WWC1: variants seen among roughly 807,000 people sequenced by gnomAD.
The protein encoded by WWC1 is protein KIBRA.
In WWC1, 55 loss-of-function variants were observed where a neutral mutation model predicts 138.4. The ratio of observed to expected loss-of-function variants is 0.40; its 90% CI spans 0.32 to 0.50. WWC1 has a LOEUF of 0.50. Among genes scored for constraint, WWC1 ranks in the 20% least tolerant of loss-of-function variants. The pLI, the probability that WWC1 is intolerant of heterozygous loss-of-function variation, is 0.72. For missense variants in WWC1, 1,226 were observed against 1,420.4 expected (o/e 0.86, Z 2.20); for synonymous variants, 524 against 564.9 (o/e 0.93, Z 1.03).
intron 9 of WWC1, among the ~76,000 whole-genome samples, chr5:168,421,647 G>A (rs899066614): frequency 2.0e-5 from 3 of 152,064 alleles, no homozygotes; most frequent in African/African-American, 7.2e-5. Flanking sequence ...GGTATGGTTG[G>A]GTGAAATCCT....
intron 1 of WWC1, among the ~76,000 whole-genome samples, chr5:168,367,313 C>T (rs925025876): frequency 2.6e-5 from 4 of 152,050 alleles, no homozygotes; most frequent in East Asian, 3.9e-4. Context: ...ACTCACCCTT[C>T]GTCTTGTTAT....
rs72828878 is a variant in WWC1 at position 168,345,420 on chromosome 5, C to G, written c.120-26004C>G. Among the ~76,000 whole-genome samples the G allele has an allele frequency of 7.4e-3, 1,127 of 152,294 alleles. 11 individuals carry two copies. Among genetic ancestry groups the G allele is most frequent in the Middle Eastern group, 0.014 (4 of 294 alleles). The stretch of plus-strand genomic sequence containing the variant: ...CCTGAAATCCTTCCCTTTTAAAGGG[C>G]CTGTTGTCTCTTCTTCTTTATCTTA... On this transcript the variant is annotated intron_variant, in intron 1 of 22. Transcript: ENST00000265293.
chr5:168,373,719 TAAAAAAAAAAAAAAAA>T (rs368930085), intron 2 of WWC1, among the ~76,000 whole-genome samples: 15 of 52,644 alleles, frequency 2.8e-4, no homozygotes, highest in Admixed American at 9.0e-4. Context: ...CCTTGTCTCT[TAAAAAAAAAAAAAAAA>T]AAAAAAAAAA....
At chr5:168,353,495 C>T (rs1775153756) in intron 1 of WWC1, among the ~76,000 whole-genome samples, 1 of 152,248 alleles carries the variant, frequency 6.6e-6, no homozygotes, top group South Asian at 2.1e-4. Context: ...CAACCCTCCA[C>T]CTCTCTCAGG....
At chr5:168,449,824 C>G (rs896173951) in intron 17 of WWC1, among the ~76,000 whole-genome samples, 8 of 152,146 alleles carry the variant, frequency 5.3e-5, no homozygotes, top group Non-Finnish European at 8.8e-5. Context: ...ATCCACCTGC[C>G]TCAGCCTCCC....
At chr5:168,347,336 C>G (rs904577278) in intron 1 of WWC1, among the ~76,000 whole-genome samples, 2 of 152,200 alleles carry the variant, frequency 1.3e-5, no homozygotes, top group Admixed American at 1.3e-4. Flanking sequence ...GCTTATTCAG[C>G]TCACCAGGCT....
At chr5:168,401,769 A>C (rs2152833019) in intron 5 of WWC1, among the ~76,000 whole-genome samples, 1 of 152,306 alleles carries the variant, frequency 6.6e-6, no homozygotes, top group South Asian at 2.1e-4. Flanking sequence ...TGTCTCTCAA[A>C]CCGGATTCTG....
chr5:168,467,636 T>TC (rs1352853896), intron 21 of WWC1: 2 of 689,242 alleles, frequency 2.9e-6, no homozygotes, highest in Non-Finnish European at 4.6e-6. Context: ...CCACAGTTAT[T>TC]CCGTTTCCTG....
chr5:168,332,855 T>C (rs187407494), intron 1 of WWC1, among the ~76,000 whole-genome samples: 3 of 152,236 alleles, frequency 2.0e-5, no homozygotes, highest in African/African-American at 7.2e-5. Flanking sequence ...ACTGAAGGCA[T>C]GAGCCACCAC....
At chr5:168,450,608 G>A (rs549048854) in intron 17 of WWC1, among the ~76,000 whole-genome samples, 20 of 152,284 alleles carry the variant, frequency 1.3e-4, no homozygotes, top group African/African-American at 4.8e-4. Context: ...AGAGGTTGCA[G>A]TGAGCTGAGG....
chr5:168,297,501 C>T (rs1488020615), intron 1 of WWC1, among the ~76,000 whole-genome samples: 1 of 152,030 alleles, frequency 6.6e-6, no homozygotes, highest in East Asian at 1.9e-4. Context: ...CGGTGCATGC[C>T]TGTAATCCCG....
chr5:168,313,230 T>G (rs1771273706), intron 1 of WWC1, among the ~76,000 whole-genome samples: 1 of 152,184 alleles, frequency 6.6e-6, no homozygotes, highest in South Asian at 2.1e-4. Context: ...GTGTGATTCC[T>G]ACCCTCTTGC....
chr5:168,367,132 G>A (rs1038657644), intron 1 of WWC1, among the ~76,000 whole-genome samples: 1 of 151,990 alleles, frequency 6.6e-6, no homozygotes, highest in African/African-American at 2.4e-5. Context: ...TTATTAAGCA[G>A]CCATGGATTT....
At chr5:168,317,111 G>A (rs529521927) in intron 1 of WWC1, among the ~76,000 whole-genome samples, 1 of 152,170 alleles carries the variant, frequency 6.6e-6, no homozygotes, top group Non-Finnish European at 1.5e-5. Context: ...TTCCAGATGA[G>A]GCAGCTGTGG....
At chr5:168,365,105 G>A (rs1341951610) in intron 1 of WWC1, among the ~76,000 whole-genome samples, 3 of 152,212 alleles carry the variant, frequency 2.0e-5, no homozygotes, top group Admixed American at 6.5e-5. Flanking sequence ...TGGCCTCCCC[G>A]GAGCTAAAGG....
chr5:168,301,882 C>T (rs1770120746), intron 1 of WWC1, among the ~76,000 whole-genome samples: 1 of 152,180 alleles, frequency 6.6e-6, no homozygotes, highest in Non-Finnish European at 1.5e-5. Flanking sequence ...ACTCAGGTCT[C>T]TTCCTGGCGG....
At chr5:168,392,962 A>G (rs1259060133) in intron 3 of WWC1, among the ~76,000 whole-genome samples, 1 of 152,116 alleles carries the variant, frequency 6.6e-6, no homozygotes, top group Non-Finnish European at 1.5e-5. Flanking sequence ...ACACGGTACT[A>G]CATTGTTTAA....
At chr5:168,383,923 T>A (rs1179913992) in intron 2 of WWC1, among the ~76,000 whole-genome samples, 1 of 152,222 alleles carries the variant, frequency 6.6e-6, no homozygotes, top group Non-Finnish European at 1.5e-5. Flanking sequence ...TGTATATGTT[T>A]TTTGTACACA....
At chr5:168,325,803 C>T (rs985615810) in intron 1 of WWC1, among the ~76,000 whole-genome samples, 1 of 152,142 alleles carries the variant, frequency 6.6e-6, no homozygotes, top group Admixed American at 6.6e-5. Flanking sequence ...AAACAATTCC[C>T]CATTCCACCC....
Sources: gnomAD v4.1 joint callset for allele counts (sites outside exome capture counted in the v4.1 genomes callset) on GRCh38, gnomAD v4.1.1 for gene constraint, MANE v1.5 for transcripts, NCBI Gene and HGNC (gene_info 2026-07-23, HGNC 2026-07-21) for gene names.